TJP1: variants seen among roughly 807,000 people sequenced by gnomAD.
The protein encoded by TJP1 is tight junction protein 1, also known as tight junction protein ZO-1.
In TJP1, 43 loss-of-function variants were observed where a neutral mutation model predicts 194.2. The ratio of observed to expected loss-of-function variants is 0.22; its 90% CI spans 0.17 to 0.29. TJP1 has a LOEUF of 0.29. Ranked by LOEUF, TJP1 falls within the 10% of genes least tolerant of loss-of-function variation. The pLI is 1.00. For missense variants in TJP1, 1,971 were observed against 2,185.7 expected (o/e 0.90, Z 1.96); for synonymous variants, 801 against 779.0 (o/e 1.03, Z -0.47).
chr15:29,716,771 G>C lies in TJP1; in HGVS notation c.4042C>G (p.Pro1348Ala), dbSNP rs546750310. 1 of 1,613,808 alleles carries C rather than the reference G, an allele frequency of 6.2e-7. No individual in the cohort carries two copies. The highest frequency in any genetic ancestry group is 8.5e-7 in the Non-Finnish European group (1 of 1,179,944). The stretch of plus-strand genomic sequence containing the variant: ...CGATAATATTCTTCATCTTCTTCAG[G>C]GTCATAATGATTGGACCGAACAATA... ...EDIVRSNHYD[P>A]EEDEEYYRKQ... Residue 1348 changes from proline to alanine, a missense_variant, in exon 23 of 28, where the codon CCT (proline) becomes GCT (alanine). Pro to Ala is a conservative substitution (Grantham distance 27). Coordinates refer to ENST00000614355, the MANE Select transcript of TJP1 (RefSeq NM_001330239.4).
chr15:29,803,974 A>T (rs1441537406), intron 1 of TJP1, among the ~76,000 whole-genome samples: 1 of 152,088 alleles, frequency 6.6e-6, no homozygotes. Flanking sequence ...CCAGCCACTA[A>T]ACCAACTTAA....
At chr15:29,762,599 T>C (rs1433038004) in intron 5 of TJP1, among the ~76,000 whole-genome samples, 161 bp from the exon 6 acceptor site, 1 of 152,182 alleles carries the variant, frequency 6.6e-6, no homozygotes, top group Non-Finnish European at 1.5e-5. Context: ...ACATTCCCTC[T>C]AATTAGCAAG....
intron 4 of TJP1, among the ~76,000 whole-genome samples, chr15:29,766,940 C>A (rs905403637): frequency 3.3e-5 from 5 of 152,152 alleles, no homozygotes; most frequent in African/African-American, 1.2e-4. Context: ...ACTTCCATGC[C>A]CAACTTGCTT....
chr15:29,966,908 G>A (rs2056353429), intron 1 of TJP1, among the ~76,000 whole-genome samples: 1 of 152,116 alleles, frequency 6.6e-6, no homozygotes, highest in African/African-American at 2.4e-5. Context: ...CTTCACTGTA[G>A]TGACAGTCTT....
chr15:29,921,549 T>C (rs2054358459), intron 2 of TJP1, among the ~76,000 whole-genome samples: 3 of 152,128 alleles, frequency 2.0e-5, no homozygotes. Flanking sequence ...ACGGAGGAGA[T>C]GTGTGGGCAC....
Position 29,700,155 on chromosome 15 carries a change from A to G in TJP1, c.*1440T>C. On this transcript the variant is annotated 3_prime_UTR_variant, in exon 28 of 28. Coordinates refer to ENST00000614355, the MANE Select transcript of TJP1 (RefSeq NM_001330239.4). The stretch of plus-strand genomic sequence containing the variant: ...GGCAAACAGACCAAGCCAGCACTTT[A>G]TTTTAAAAAGTTTTATTTTGGAGAT... 1 of 398,178 alleles carries G rather than the reference A, an allele frequency of 2.5e-6. No individual in the cohort carries two copies. The highest frequency in any genetic ancestry group is 4.4e-6 in the Non-Finnish European group (1 of 225,872). The allele number at this position is 398,178 out of a possible 1,614,324, so 24.7% of individuals were successfully genotyped here.
intron 2 of TJP1, among the ~76,000 whole-genome samples, chr15:29,797,156 T>C (rs1056036907): frequency 1.3e-5 from 2 of 152,172 alleles, no homozygotes; most frequent in African/African-American, 4.8e-5. Flanking sequence ...AATTTTTCTT[T>C]CTTTCCTTTT....
chr15:29,949,546 C>CTCCACCACCACCACCTCCACT (rs1567225319), intron 2 of TJP1, among the ~76,000 whole-genome samples: 5 of 141,138 alleles, frequency 3.5e-5, no homozygotes, highest in Non-Finnish European at 7.9e-5. Flanking sequence ...CCACCACCAC[C>CTCCACCACCACCACCTCCACT]TCCACAACCA....
At chr15:29,799,916 T>C (rs972656182) in intron 2 of TJP1, among the ~76,000 whole-genome samples, 5 of 152,272 alleles carry the variant, frequency 3.3e-5, no homozygotes, top group Middle Eastern at 3.4e-3. Context: ...ATACATTCTC[T>C]AAGAAAGGGA....
At chr15:29,958,646 A>G (rs1219994160) in intron 1 of TJP1, among the ~76,000 whole-genome samples, 1 of 152,086 alleles carries the variant, frequency 6.6e-6, no homozygotes, top group African/African-American at 2.4e-5. Flanking sequence ...ATATGTATCC[A>G]TCACACACGT....
intron 2 of TJP1, among the ~76,000 whole-genome samples, chr15:29,946,388 T>C (rs2055283229): frequency 6.6e-6 from 1 of 152,200 alleles, no homozygotes; most frequent in Non-Finnish European, 1.5e-5. Context: ...TTGAAACATC[T>C]CACCACAAAA....
intron 2 of TJP1, among the ~76,000 whole-genome samples, chr15:29,915,598 T>C (rs1169237003): frequency 1.3e-5 from 2 of 152,196 alleles, no homozygotes; most frequent in African/African-American, 4.8e-5. Flanking sequence ...ACCTTAACCA[T>C]TGCCAAATCT....
chr15:29,962,897 G>C (rs2056208204), intron 1 of TJP1, among the ~76,000 whole-genome samples: 1 of 152,190 alleles, frequency 6.6e-6, no homozygotes, highest in Non-Finnish European at 1.5e-5. Flanking sequence ...CCAGCACTTT[G>C]GGAGGCCAAG....
At chr15:29,809,725 A>T (rs2049357256) in intron 1 of TJP1, among the ~76,000 whole-genome samples, 1 of 152,132 alleles carries the variant, frequency 6.6e-6, no homozygotes, top group South Asian at 2.1e-4. Flanking sequence ...AGATGCCTGC[A>T]ATCCCAGCTA....
At chr15:29,870,218 T>C (rs2052464843) in intron 2 of TJP1, among the ~76,000 whole-genome samples, 2 of 152,140 alleles carry the variant, frequency 1.3e-5, no homozygotes, top group South Asian at 4.1e-4. Flanking sequence ...ACAAATAAAT[T>C]ACTGAATGTG....
At chr15:29,830,513 T>C (rs905981491) in intron 2 of TJP1, among the ~76,000 whole-genome samples, 1 of 150,626 alleles carries the variant, frequency 6.6e-6, no homozygotes, top group African/African-American at 2.4e-5. Flanking sequence ...CATTATTATA[T>C]ATTAGTGTAT....
chr15:29,968,891 C>T, exon 1 of TJP1: 1 of 303,034 alleles, frequency 3.3e-6, no homozygotes, highest in Non-Finnish European at 4.8e-6. Context: ...GCTCCCGCGC[C>T]CGCCGCACCC....
chr15:29,898,001 TG>T (rs1276702294), intron 2 of TJP1, among the ~76,000 whole-genome samples: 2 of 152,270 alleles, frequency 1.3e-5, no homozygotes, highest in East Asian at 3.9e-4. Flanking sequence ...GTTAAGACTT[TG>T]GGGGACTGTC....
intron 2 of TJP1, among the ~76,000 whole-genome samples, chr15:29,790,677 T>A (rs935845881): frequency 2.6e-5 from 4 of 151,828 alleles, no homozygotes; most frequent in South Asian, 2.1e-4. Flanking sequence ...AAGTCTTCCA[T>A]CCCTACTTCC....
Sources: allele counts gnomAD v4.1 joint callset (sites outside exome capture counted in the v4.1 genomes callset), GRCh38; gene constraint gnomAD v4.1.1; transcripts MANE v1.5; gene names NCBI Gene and HGNC (gene_info 2026-07-23, HGNC 2026-07-21).